Variants in PCNT observed in about 807,000 individuals in gnomAD.
PCNT encodes pericentrin, also known as kendrin.
In PCNT, 319 loss-of-function variants were observed where a neutral mutation model predicts 380.4. The observed-to-expected ratio is 0.84, with a 90% CI of 0.77 to 0.92. PCNT has a LOEUF of 0.92. Ranked by LOEUF, PCNT falls within the 40% of genes least tolerant of loss-of-function variation. The probability of loss-of-function intolerance (pLI) is 0.00; values close to 1 mark genes in which losing one functional copy is unlikely to be tolerated. For synonymous variants in PCNT, 1,845 were observed against 1,735.2 expected (o/e 1.06, Z -1.57); for missense variants, 4,400 against 4,255.3 (o/e 1.03, Z -0.95).
intron 36 of PCNT, 116 bp downstream of exon 36, chr21:46,430,348 G>T: frequency 2.2e-6 from 3 of 1,370,584 alleles, no homozygotes; most frequent in Non-Finnish European, 2.0e-6. Context: ...AGCCCCAGGG[G>T]CACCGCGCCC....
intron 38 of PCNT, among the ~76,000 whole-genome samples, chr21:46,435,611 C>T (rs995977846): frequency 6.6e-6 from 1 of 151,906 alleles, no homozygotes; most frequent in Non-Finnish European, 1.5e-5. Context: ...GGCGCAATCT[C>T]GGCTCACTGC....
intron 1 of PCNT, among the ~76,000 whole-genome samples, chr21:46,324,606 G>A (rs1407806859): frequency 4.6e-5 from 7 of 150,588 alleles, no homozygotes; most frequent in Non-Finnish European, 1.0e-4. Flanking sequence ...ACGCCGGGGC[G>A]GGGTGTGGCT....
intron 5 of PCNT, among the ~76,000 whole-genome samples, chr21:46,347,220 T>G (rs1418743635): frequency 6.6e-6 from 1 of 152,188 alleles, no homozygotes; most frequent in Non-Finnish European, 1.5e-5. Flanking sequence ...AGGTGGTCTG[T>G]GATAGGTGCG....
chr21:46,365,342 G>T (rs1439965440), intron 14 of PCNT, among the ~76,000 whole-genome samples: 3 of 141,678 alleles, frequency 2.1e-5, no homozygotes, highest in African/African-American at 7.9e-5. Context: ...CTGCCATGGG[G>T]TTCTATTCAC....
At chr21:46,327,263 G>A (rs2083424541) in intron 2 of PCNT, among the ~76,000 whole-genome samples, 1 of 152,050 alleles carries the variant, frequency 6.6e-6, no homozygotes. Flanking sequence ...GTTTCACTGT[G>A]TTAGCCAGGA....
At chr21:46,416,043 G>T (rs201111857) in intron 29 of PCNT, 26 bp from the exon 30 acceptor site, 1 of 1,612,910 alleles carries the variant, frequency 6.2e-7, no homozygotes, top group South Asian at 1.1e-5. Context: ...GTATTCCACC[G>T]TGCACCTGTT....
chr21:46,351,883 C>T (rs960234106), intron 9 of PCNT, among the ~76,000 whole-genome samples: 2 of 152,238 alleles, frequency 1.3e-5, no homozygotes, highest in Non-Finnish European at 2.9e-5. Flanking sequence ...TGTCCAAGTG[C>T]GGGCTCACCT....
intron 2 of PCNT, among the ~76,000 whole-genome samples, chr21:46,327,652 C>T (rs2083435147): frequency 6.6e-6 from 1 of 152,246 alleles, no homozygotes; most frequent in Admixed American, 6.5e-5. Context: ...TAATGGAAGA[C>T]TGGGAGTTCT....
intron 35 of PCNT, 41 bp downstream of exon 35, chr21:46,428,631 C>G: frequency 6.6e-7 from 1 of 1,507,018 alleles, no homozygotes; most frequent in Non-Finnish European, 9.0e-7. Flanking sequence ...CCGGCCTCTG[C>G]ACCTGCCCGC....
chr21:46,388,689 G>C lies in PCNT; in HGVS notation c.3465-53G>C. On this transcript the variant is annotated intron_variant, in intron 17 of 46. Coordinates refer to ENST00000359568, the MANE Select transcript of PCNT (RefSeq NM_006031.6). This position sits in a 1 kb window ranked among gnomAD's most constrained non-coding sequence, Gnocchi z 4.2. ...CGGCCCCTCAGCAGCATCCAGGGTG[G>C]GGGTTCTTATGCCGTGACCAGCTTG... The C allele has an allele frequency of 1.9e-6, 3 of 1,608,442 alleles. No homozygotes were observed. Among genetic ancestry groups the C allele is most frequent in the South Asian group, 2.2e-5 (2 of 90,982 alleles).
At chr21:46,400,232 G>T (rs370509653) in intron 25 of PCNT, among the ~76,000 whole-genome samples, 1 of 152,124 alleles carries the variant, frequency 6.6e-6, no homozygotes, top group Non-Finnish European at 1.5e-5. Flanking sequence ...GGTGTTTGCC[G>T]TGTTGTGTGT....
chr21:46,347,730 C>T (rs186145365), intron 6 of PCNT, among the ~76,000 whole-genome samples: 252 of 152,338 alleles, frequency 1.7e-3, no homozygotes, highest in African/African-American at 5.3e-3. Context: ...TTGCATAACA[C>T]AAAGGCACTG....
At chr21:46,390,557 C>T (rs1349296824) in intron 19 of PCNT, 113 bp from the exon 20 acceptor site, 2 of 1,141,662 alleles carry the variant, frequency 1.8e-6, no homozygotes, top group Admixed American at 3.4e-5. Context: ...CTGGCCCTGC[C>T]TGGGTGGTGA....
In PCNT at chr21:46,366,699, C is replaced by G. The variant is rs771229465; in HGVS notation, c.2725C>G (p.Gln909Glu). The G allele has an allele frequency of 6.2e-7, 1 of 1,613,786 alleles. No homozygotes were observed. Among genetic ancestry groups the G allele is most frequent in the Non-Finnish European group, 8.5e-7 (1 of 1,180,008 alleles). Residue 909 changes from glutamine (Q) to glutamate (E), a missense_variant, in exon 15 of 47, where the codon CAG becomes GAG. By Grantham distance (29) the Gln-to-Glu change is conservative (BLOSUM62 2). Transcript: ENST00000359568. ...RELQLLQERHQQQLLSVTAEL... is the reference protein window; with the variant it reads ...RELQLLQERHEQQLLSVTAEL... ...GCTGCAGCTCCTCCAGGAGAGACACCAGCAGCAGCTCCTGTCAGTGACGGC... is the reference window on the plus strand; with the variant it reads ...GCTGCAGCTCCTCCAGGAGAGACACGAGCAGCAGCTCCTGTCAGTGACGGC...
chr21:46,354,327 C>T (rs994463652), intron 11 of PCNT, among the ~76,000 whole-genome samples: 9 of 152,354 alleles, frequency 5.9e-5, no homozygotes, highest in African/African-American at 1.9e-4. Context: ...GCAAGGCCTC[C>T]ACCCTGCAGT....
chr21:46,418,842 G>T (rs568964910), intron 31 of PCNT, among the ~76,000 whole-genome samples: 64 of 152,254 alleles, frequency 4.2e-4, no homozygotes, highest in Non-Finnish European at 6.9e-4. Flanking sequence ...GCGATGGTGC[G>T]TGGGGGGCTG....
intron 13 of PCNT, among the ~76,000 whole-genome samples, chr21:46,362,314 T>C (rs1008383982): frequency 2.6e-5 from 4 of 152,206 alleles, no homozygotes; most frequent in African/African-American, 9.7e-5. Context: ...GTGTGGGGCA[T>C]GGACAGATAC....
intron 27 of PCNT, among the ~76,000 whole-genome samples, chr21:46,409,635 T>C (rs2086721920): frequency 6.6e-6 from 1 of 152,240 alleles, no homozygotes; most frequent in Non-Finnish European, 1.5e-5. Flanking sequence ...TATCTTGCTC[T>C]GTCGCCCAGG....
At chr21:46,333,286 G>A (rs1008986794) in intron 2 of PCNT, among the ~76,000 whole-genome samples, 5 of 151,960 alleles carry the variant, frequency 3.3e-5, no homozygotes, top group Non-Finnish European at 7.4e-5. Context: ...ACAAAAATTA[G>A]CTGGGCATGG....
Sources: gnomAD v4.1 joint callset for allele counts (sites outside exome capture counted in the v4.1 genomes callset) on GRCh38, gnomAD v4.1.1 for gene constraint, Gnocchi (gnomAD v3.1) non-coding constraint, MANE v1.5 for transcripts, NCBI Gene and HGNC (gene_info 2026-07-23, HGNC 2026-07-21) for gene names.